Variants in FHIT observed in about 807,000 individuals in gnomAD.
FHIT encodes the protein bis(5'-adenosyl)-triphosphatase.
In FHIT, 19 loss-of-function variants were observed where a neutral mutation model predicts 17.9. The ratio of observed to expected loss-of-function variants is 1.06; its 90% confidence interval spans 0.74 to 1.56. The LOEUF (loss-of-function observed/expected upper bound fraction) is 1.56. Ranked by LOEUF, FHIT falls within the 40% of genes most tolerant of loss-of-function variation. FHIT has a pLI of 0.00. For missense variants in FHIT, 248 were observed against 189.2 expected (o/e 1.31, Z -1.82); for synonymous variants, 81 against 69.7 (o/e 1.16, Z -0.81).
chr3:60,887,049 C>T (rs35744933), intron 3 of FHIT, among the ~76,000 whole-genome samples: 31,584 of 152,034 alleles, frequency 0.21, 3,519 homozygotes, highest in Middle Eastern at 0.27. Context: ...ATATATATAA[C>T]GATTGATATA....
intron 5 of FHIT, among the ~76,000 whole-genome samples, chr3:60,516,262 T>C (rs2035149705): frequency 6.6e-6 from 1 of 152,226 alleles, no homozygotes. Flanking sequence ...CATATGTTAA[T>C]GTAATATTTT....
intron 5 of FHIT, among the ~76,000 whole-genome samples, chr3:60,018,692 G>C (rs1269685475): frequency 6.6e-6 from 1 of 151,978 alleles, no homozygotes; most frequent in Non-Finnish European, 1.5e-5. Context: ...AAACAACATT[G>C]ATCGGCCGGG....
intron 4 of FHIT, among the ~76,000 whole-genome samples, chr3:60,581,663 T>C (rs189758900): frequency 6.6e-6 from 1 of 152,168 alleles, no homozygotes; most frequent in Admixed American, 6.6e-5. Context: ...AGAGTAAATA[T>C]ATAAAAATAT....
intron 5 of FHIT, among the ~76,000 whole-genome samples, chr3:60,427,297 A>G (rs1034663789): frequency 9.9e-5 from 15 of 152,162 alleles, no homozygotes; most frequent in Admixed American, 3.3e-4. Flanking sequence ...CCCCAGTCCT[A>G]CAATCACAAG....
At chr3:60,979,108 A>G (rs1710382402) in intron 3 of FHIT, among the ~76,000 whole-genome samples, 1 of 152,194 alleles carries the variant, frequency 6.6e-6, no homozygotes, top group African/African-American at 2.4e-5. Context: ...CTTGCCCTCA[A>G]TTAATTCAGT....
intron 8 of FHIT, among the ~76,000 whole-genome samples, chr3:59,870,635 A>C (rs1392163657): frequency 6.6e-6 from 1 of 152,184 alleles, no homozygotes; most frequent in Non-Finnish European, 1.5e-5. Context: ...TGCAAGGTGC[A>C]AATAACTAAT....
chr3:60,548,849 T>C (rs1200994344), intron 4 of FHIT, among the ~76,000 whole-genome samples: 2 of 152,210 alleles, frequency 1.3e-5, no homozygotes, highest in Non-Finnish European at 2.9e-5. Flanking sequence ...ATTCCTATAC[T>C]TCATCATACT....
At chr3:60,114,075 T>TATATATATATATATA in intron 5 of FHIT, among the ~76,000 whole-genome samples, 1 of 92,110 alleles carries the variant, frequency 1.1e-5, no homozygotes, top group African/African-American at 4.1e-5. Context: ...ATATATATAA[T>TATATATATATATATA]GTTATATGTA....
chr3:59,776,345 G>T (rs1702314921), intron 8 of FHIT, among the ~76,000 whole-genome samples: 1 of 152,178 alleles, frequency 6.6e-6, no homozygotes, highest in East Asian at 1.9e-4. Flanking sequence ...AGCTACAAGT[G>T]CTCACCATCA....
At chr3:60,566,586 A>G (rs1277899920) in intron 4 of FHIT, among the ~76,000 whole-genome samples, 1 of 152,064 alleles carries the variant, frequency 6.6e-6, no homozygotes, top group African/African-American at 2.4e-5. Context: ...CCTATTCAAC[A>G]TAGTGTTGGA....
chr3:60,827,374 A>G (rs1429368282), intron 3 of FHIT, among the ~76,000 whole-genome samples: 1 of 152,218 alleles, frequency 6.6e-6, no homozygotes, highest in Non-Finnish European at 1.5e-5. Context: ...GGCCTCCATC[A>G]CAGTTACAAT....
At chr3:60,424,807 C>G (rs930757876) in intron 5 of FHIT, among the ~76,000 whole-genome samples, 1 of 152,060 alleles carries the variant, frequency 6.6e-6, no homozygotes, top group East Asian at 1.9e-4. Flanking sequence ...AAAATCCAAC[C>G]CCCATTGTGG....
intron 5 of FHIT, among the ~76,000 whole-genome samples, chr3:60,127,432 T>C (rs1420203486): frequency 2.0e-5 from 3 of 152,104 alleles, no homozygotes; most frequent in Non-Finnish European, 4.4e-5. Flanking sequence ...TTCCTCCCCC[T>C]TTCCACCCAG....
At chr3:60,547,456 A>G (rs2036405077) in intron 4 of FHIT, among the ~76,000 whole-genome samples, 1 of 152,140 alleles carries the variant, frequency 6.6e-6, no homozygotes, top group Admixed American at 6.5e-5. Context: ...ACATAAATGA[A>G]AAAAAAGGTC....
In FHIT at chr3:60,235,234, G is replaced by GTTTT. The variant is rs11441829; in HGVS notation, c.104-221086_104-221083dup. Among the ~76,000 whole-genome samples, 100 of 143,090 alleles carry GTTTT rather than the reference G, an allele frequency of 7.0e-4. 2 individuals are homozygous for GTTTT. The highest frequency in any genetic ancestry group is 3.7e-3 in the Middle Eastern group (1 of 270). 93.9% of individuals were successfully genotyped at this position (143,090 alleles called of 152,430 possible). ...TTAAATATCTATGCTTTTGTTTGTT[G>GTTTT]TTTTTTTTTTTTTTGAGACAGAGTC... On this transcript the variant is annotated intron_variant, in intron 5 of 9. Transcript: ENST00000492590.
intron 3 of FHIT, among the ~76,000 whole-genome samples, chr3:60,882,618 A>G (rs190602361): frequency 6.6e-6 from 1 of 152,290 alleles, no homozygotes; most frequent in East Asian, 1.9e-4. Flanking sequence ...GACAAACACC[A>G]TATGATCATC....
intron 5 of FHIT, among the ~76,000 whole-genome samples, chr3:60,368,467 C>A (rs1700198177): frequency 6.6e-6 from 1 of 151,878 alleles, no homozygotes; most frequent in African/African-American, 2.4e-5. Flanking sequence ...TTTGGGCACT[C>A]TGTTGAAATA....
intron 2 of FHIT, among the ~76,000 whole-genome samples, chr3:61,171,283 CA>C (rs1323465620): frequency 2.6e-5 from 4 of 152,134 alleles, no homozygotes; most frequent in African/African-American, 9.7e-5. Flanking sequence ...GTCCTTTGCC[CA>C]CTTTTTTATG....
At chr3:60,179,417 A>T (rs908808407) in intron 5 of FHIT, among the ~76,000 whole-genome samples, 4 of 152,212 alleles carry the variant, frequency 2.6e-5, no homozygotes, top group Admixed American at 6.5e-5. Flanking sequence ...TGACATCACA[A>T]TATTGTTAAT....
Sources: gnomAD v4.1 joint callset for allele counts (sites outside exome capture counted in the v4.1 genomes callset) on GRCh38, gnomAD v4.1.1 for gene constraint, MANE v1.5 for transcripts, NCBI Gene and HGNC (gene_info 2026-07-23, HGNC 2026-07-21) for gene names.